Variants in HAND2 observed in about 807,000 individuals in gnomAD.
The protein encoded by HAND2 is heart and neural crest derivatives expressed 2, also known as heart- and neural crest derivatives-expressed protein 2.
In HAND2, 2 loss-of-function variants were observed where a neutral mutation model predicts 14.7. That is an observed-to-expected ratio of 0.14 (90% CI 0.06 to 0.43). HAND2 has a LOEUF of 0.43. HAND2 is among the 20% of genes least tolerant of loss of function. The probability of loss-of-function intolerance (pLI) is 0.99; values close to 1 mark genes in which losing one functional copy is unlikely to be tolerated. For missense variants in HAND2, 275 were observed against 313.6 expected, an observed-to-expected ratio of 0.88 and a Z score of 0.93; for synonymous variants, 162 against 135.9, an observed-to-expected ratio of 1.19 and a Z score of -1.34.
rs1277911492 is a variant in HAND2, at chr4:173,529,169, G to A, written c.121C>T (p.Pro41Ser). The part of the protein sequence containing the change: ...AASRCSHEEN[P>S]YFHGWLIGHP... ...CCGATGAGCCAGCCATGGAAGTAGG[G>A]GTTCTCCTCATGGCTGCAGCGGCTG... The change falls in exon 1 of 2, where the codon CCC (proline) becomes TCC (serine). Residue 41 changes from proline to serine, a missense_variant. Pro to Ser is a moderately conservative substitution (Grantham distance 74). Around this residue, in one of 4 missense-constraint regions of HAND2, gnomAD observed 175 missense variants for 157.1 expected, o/e 1.11. Coordinates refer to ENST00000359562, the MANE Select transcript of HAND2 (RefSeq NM_021973.3). 1.1e-5 allele frequency: 16 copies of A among 1,473,546 alleles called. No homozygotes were observed. The highest frequency in any genetic ancestry group is 2.6e-5 in the East Asian group (1 of 38,614). 91.3% of individuals were successfully genotyped at this position (1,473,546 alleles called of 1,614,324 possible). A position where few individuals can be genotyped will look rare whatever the true frequency, so the allele number is the denominator to read the frequency against.
rs1259027794 is a variant in HAND2, at chr4:173,526,978, G to T, written c.*299C>A. ...TACACAGCCAAGAGGGAACATTCAC[G>T]CACACAGAATCTATGAGACGACGGG... On this transcript the variant is annotated 3_prime_UTR_variant, in exon 2 of 2. Transcript: ENST00000359562. 1 of 581,814 alleles carries T rather than the reference G, an allele frequency of 1.7e-6. No individual in the cohort carries two copies. The highest frequency in any genetic ancestry group is 3.2e-6 in the Non-Finnish European group (1 of 307,974). 36.0% of individuals were successfully genotyped at this position (581,814 alleles called of 1,614,324 possible).
chr4:173,527,198 T>C lies in HAND2; in HGVS notation c.*79A>G, dbSNP rs1560883905. The C allele has an allele frequency of 5.3e-6, 5 of 951,652 alleles. No individual in the cohort carries two copies. The highest frequency in any genetic ancestry group is 8.5e-6 in the Non-Finnish European group (5 of 585,978). The allele number at this position is 951,652 out of a possible 1,614,324, so 59.0% of individuals were successfully genotyped here. A position where few individuals can be genotyped will look rare whatever the true frequency, so the allele number is the denominator to read the frequency against. ...GTCCTCAGAGCGGAGCGCGGACGGC[T>C]TTTCCGGAGTCCTGGGTCTGCATCT... On this transcript the variant is annotated 3_prime_UTR_variant, in exon 2 of 2. Transcript: ENST00000359562.
In HAND2 at chr4:173,529,193, T is replaced by TGGCGGCGGC; in HGVS notation, c.88_96dup (p.Ala30_Ala32dup). The TGGCGGCGGC allele has an allele frequency of 2.8e-6, 4 of 1,437,806 alleles. No homozygotes were observed. Among genetic ancestry groups the TGGCGGCGGC allele is most frequent in the Non-Finnish European group, 3.6e-6 (4 of 1,102,330 alleles). 89.1% of individuals were successfully genotyped at this position (1,437,806 alleles called of 1,614,324 possible). A position where few individuals can be genotyped will look rare whatever the true frequency, so the allele number is the denominator to read the frequency against. ...GGGTTCTCCTCATGGCTGCAGCGGCTGGCGGCGGCGGCGGCAGCTGCGGCG... is the reference window on the plus strand; with the variant it reads ...GGGTTCTCCTCATGGCTGCAGCGGCTGGCGGCGGCGGCGGCGGCGGCGGCAGCTGCGGCG... On this transcript the variant is annotated inframe_insertion, in exon 1 of 2. Coordinates refer to ENST00000359562, the MANE Select transcript of HAND2 (RefSeq NM_021973.3).
At position 173,526,917 on chromosome 4, in the gene HAND2, G is replaced by C. The variant is rs1308119808; in HGVS notation, c.*360C>G. 2.0e-6 allele frequency: 1 copy of C among 508,372 alleles called. No individual in the cohort carries two copies. Among genetic ancestry groups the C allele is most frequent in the African/African-American group, 1.9e-5 (1 of 52,334 alleles). 31.5% of individuals were successfully genotyped at this position (508,372 alleles called of 1,614,324 possible). On this transcript the variant is annotated 3_prime_UTR_variant, in exon 2 of 2. Transcript: ENST00000359562. ...AGTGCCCACTGTCTTTATCTGGAAG[G>C]GGTTGAGTAGGTTGGCGGGGGGCAA...
Position 173,528,617 on chromosome 4 carries a change from G to A in HAND2, c.555+118C>T. The A allele has an allele frequency of 7.8e-7, 1 of 1,285,834 alleles. No homozygotes were observed. The highest frequency in any genetic ancestry group is 2.5e-5 in the East Asian group (1 of 39,690). The allele number at this position is 1,285,834 out of a possible 1,614,324, so 79.7% of individuals were successfully genotyped here. A position where few individuals can be genotyped will look rare whatever the true frequency, so the allele number is the denominator to read the frequency against. On this transcript the variant is annotated intron_variant, in intron 1 of 1. Coordinates refer to ENST00000359562, the MANE Select transcript of HAND2 (RefSeq NM_021973.3). This position sits in a 1 kb window ranked among gnomAD's most constrained non-coding sequence, Gnocchi z 5.6. ...TACACAACCTGGTGCAAACAACCTT[G>A]AAGCGGGACGCAGCCAAAGAACACG...
In HAND2 at chr4:173,527,464, C is replaced by T. The variant is rs1322858167; in HGVS notation, c.556-89G>A. 16 of 867,924 alleles carry T rather than the reference C, an allele frequency of 1.8e-5. No homozygotes were observed. The African/African-American group carries it at 2.5e-4, about 13-fold the overall frequency. The allele number at this position is 867,924 out of a possible 1,614,324, so 53.8% of individuals were successfully genotyped here. ...CCACACCAACCCGGAGCTTCCTGCG[C>T]CGGAGGAGACAGTGAACCAGAGAGG... On this transcript the variant is annotated intron_variant, in intron 1 of 1. Coordinates refer to ENST00000359562, the MANE Select transcript of HAND2 (RefSeq NM_021973.3).
Position 173,528,510 on chromosome 4 carries a change from A to G in HAND2, c.555+225T>C. 1.7e-6 allele frequency: 1 copy of G among 589,496 alleles called. No homozygotes were observed. Among genetic ancestry groups the G allele is most frequent in the South Asian group, 2.0e-5 (1 of 50,838 alleles). The allele number at this position is 589,496 out of a possible 1,614,324, so 36.5% of individuals were successfully genotyped here. A position where few individuals can be genotyped will look rare whatever the true frequency, so the allele number is the denominator to read the frequency against. ...GCAGCGATAACCCGGAGGTAAGATC[A>G]CCAGCGCAAAGCATCCCTAACCTTC... On this transcript the variant is annotated intron_variant, in intron 1 of 1. Transcript: ENST00000359562. The surrounding 1 kb of genome is among the most constrained non-coding windows in gnomAD (Gnocchi z 5.6).
rs1731447590 is a variant in HAND2 at position 173,526,171 on chromosome 4, A to C, written c.*1106T>G. ...CAGCAATAATGCCGGGGTTCTCCTCACAACTCCTCCACCAGAAACACTCTC... is the reference window on the plus strand; with the variant it reads ...CAGCAATAATGCCGGGGTTCTCCTCCCAACTCCTCCACCAGAAACACTCTC... On this transcript the variant is annotated 3_prime_UTR_variant, in exon 2 of 2. Coordinates refer to ENST00000359562, the MANE Select transcript of HAND2 (RefSeq NM_021973.3). 2 of 151,936 alleles carry C rather than the reference A, an allele frequency of 1.3e-5. No individual in the cohort carries two copies. The highest frequency in any genetic ancestry group is 4.8e-5 in the African/African-American group (2 of 41,330). 9.4% of individuals were successfully genotyped at this position (151,936 alleles called of 1,614,324 possible). A position where few individuals can be genotyped will look rare whatever the true frequency, so the allele number is the denominator to read the frequency against.
chr4:173,527,463 G>A (rs1286649372), intron 1 of HAND2, 88 bp from the exon 2 acceptor site: 25 of 875,988 alleles, frequency 2.9e-5, no homozygotes, highest in African/African-American at 1.1e-4. Flanking sequence ...AGCTTCCTGC[G>A]CCGGAGGAGA....
At position 173,528,480 on chromosome 4, in the gene HAND2, G is replaced by A; in HGVS notation, c.555+255C>T. Reference sequence around the variant, plus strand: ...TTTTCAAGGTCCGTCCTAAGTACTAGGGGAGCAGCGATAACCCGGAGGTAA... The same window carrying A: ...TTTTCAAGGTCCGTCCTAAGTACTAAGGGAGCAGCGATAACCCGGAGGTAA... On this transcript the variant is annotated intron_variant, in intron 1 of 1. Transcript: ENST00000359562. The surrounding 1 kb of genome is among the most constrained non-coding windows in gnomAD (Gnocchi z 5.6). 1 of 539,550 alleles carries A rather than the reference G, an allele frequency of 1.9e-6. No individual in the cohort carries two copies. Among genetic ancestry groups the A allele is most frequent in the Non-Finnish European group, 3.4e-6 (1 of 298,032 alleles). The allele number at this position is 539,550 out of a possible 1,614,324, so 33.4% of individuals were successfully genotyped here.
Position 173,529,319 on chromosome 4 carries a change from A to G in HAND2, c.-30T>C. 1 of 1,284,422 alleles carries G rather than the reference A, an allele frequency of 7.8e-7. No homozygotes were observed. The highest frequency in any genetic ancestry group is 1.6e-5 in the African/African-American group (1 of 63,474). The allele number at this position is 1,284,422 out of a possible 1,614,324, so 79.6% of individuals were successfully genotyped here. A position where few individuals can be genotyped will look rare whatever the true frequency, so the allele number is the denominator to read the frequency against. On this transcript the variant is annotated 5_prime_UTR_variant, in exon 1 of 2. Transcript: ENST00000359562. The stretch of plus-strand genomic sequence containing the variant: ...CCCTCCGCGCCCCTCCACGCGCCCC[A>G]GCGTGCGCGCAGCCCCGCCGCGCCC...
intron 1 of HAND2, 95 bp from the exon 2 acceptor site, chr4:173,527,470 G>T: frequency 1.2e-6 from 1 of 846,428 alleles, no homozygotes. Context: ...TGCGCCGGAG[G>T]AGACAGTGAA....
rs1365916895 is a variant in HAND2 at position 173,528,670 on chromosome 4, A to C, written c.555+65T>G. 5.8e-6 allele frequency: 9 copies of C among 1,553,700 alleles called. No homozygotes were observed. The highest frequency in any genetic ancestry group is 8.7e-7 in the Non-Finnish European group (1 of 1,149,442). ...ATGCCATTTCTCAGCCCAATTGGAAAGAGGCCGGGAGCACCAGTTCCCTGA... is the reference window on the plus strand; with the variant it reads ...ATGCCATTTCTCAGCCCAATTGGAACGAGGCCGGGAGCACCAGTTCCCTGA... On this transcript the variant is annotated intron_variant, in intron 1 of 1. Transcript: ENST00000359562. The surrounding 1 kb of genome is among the most constrained non-coding windows in gnomAD (Gnocchi z 5.6).
At position 173,529,218 on chromosome 4, in the gene HAND2, G is replaced by A; in HGVS notation, c.72C>T (p.Ala24=). 7.0e-7 allele frequency: 1 copy of A among 1,421,916 alleles called. No individual in the cohort carries two copies. Among genetic ancestry groups the A allele is most frequent in the Non-Finnish European group, 9.1e-7 (1 of 1,093,974 alleles). 88.1% of individuals were successfully genotyped at this position (1,421,916 alleles called of 1,614,324 possible). The change falls in exon 1 of 2, where the codon GCC becomes GCT. Residue 24 remains alanine, a synonymous_variant. Coordinates refer to ENST00000359562, the MANE Select transcript of HAND2 (RefSeq NM_021973.3). The part of the protein sequence containing the change: ...HHEGYPFAAA[A]AAAAAAAASR... The stretch of plus-strand genomic sequence containing the variant: ...TGGCGGCGGCGGCGGCAGCTGCGGC[G>A]GCGGCGGCGGCAAACGGGTAGCCCT...
In HAND2 at chr4:173,526,666, A is replaced by G; in HGVS notation, c.*611T>C. On this transcript the variant is annotated 3_prime_UTR_variant, in exon 2 of 2. Transcript: ENST00000359562. ...TACTTACAACGTTTACACCTTCAAT[A>G]TTAATTAAATTCCATTTAGTTTTAG... 4.4e-6 allele frequency: 1 copy of G among 228,344 alleles called. No individual in the cohort carries two copies. The highest frequency in any genetic ancestry group is 6.6e-5 in the South Asian group (1 of 15,264). The allele number at this position is 228,344 out of a possible 1,614,324, so 14.1% of individuals were successfully genotyped here.
At chr4:173,527,718 A>G (rs1245513677) in intron 1 of HAND2, 4 of 308,180 alleles carry the variant, frequency 1.3e-5, no homozygotes, top group South Asian at 7.4e-5. Context: ...CTCTGTTTTC[A>G]TTAGCAATCC....
In HAND2 at chr4:173,526,899, A is replaced by G. The variant is rs1160959643; in HGVS notation, c.*378T>C. 2 of 482,994 alleles carry G rather than the reference A, an allele frequency of 4.1e-6. No individual in the cohort carries two copies. The highest frequency in any genetic ancestry group is 3.1e-4 in the Middle Eastern group (1 of 3,252). 29.9% of individuals were successfully genotyped at this position (482,994 alleles called of 1,614,324 possible). A position where few individuals can be genotyped will look rare whatever the true frequency, so the allele number is the denominator to read the frequency against. On this transcript the variant is annotated 3_prime_UTR_variant, in exon 2 of 2. Coordinates refer to ENST00000359562, the MANE Select transcript of HAND2 (RefSeq NM_021973.3). The stretch of plus-strand genomic sequence containing the variant: ...ACACTTCACAAACGCACTAGTGCCC[A>G]CTGTCTTTATCTGGAAGGGGTTGAG...
rs1157331515 is a variant in HAND2 at position 173,529,306 on chromosome 4, C to T, written c.-17G>A. 1 of 1,303,680 alleles carries T rather than the reference C, an allele frequency of 7.7e-7. No individual in the cohort carries two copies. The highest frequency in any genetic ancestry group is 3.1e-5 in the East Asian group (1 of 32,042). 80.8% of individuals were successfully genotyped at this position (1,303,680 alleles called of 1,614,324 possible). On this transcript the variant is annotated 5_prime_UTR_variant, in exon 1 of 2. Transcript: ENST00000359562. The stretch of plus-strand genomic sequence containing the variant: ...CAGACTCATTTCGCCCTCCGCGCCC[C>T]TCCACGCGCCCCAGCGTGCGCGCAG...
Position 173,529,314 on chromosome 4 carries a change from G to T in HAND2, c.-25C>A, listed in dbSNP as rs1731619703. ...TTTCGCCCTCCGCGCCCCTCCACGCGCCCCAGCGTGCGCGCAGCCCCGCCG... is the reference window on the plus strand; with the variant it reads ...TTTCGCCCTCCGCGCCCCTCCACGCTCCCCAGCGTGCGCGCAGCCCCGCCG... On this transcript the variant is annotated 5_prime_UTR_variant, in exon 1 of 2. Coordinates refer to ENST00000359562, the MANE Select transcript of HAND2 (RefSeq NM_021973.3). 5 of 1,290,470 alleles carry T rather than the reference G, an allele frequency of 3.9e-6. No individual in the cohort carries two copies. The East Asian group carries it at 9.4e-5, about 24-fold the overall frequency. The allele number at this position is 1,290,470 out of a possible 1,614,324, so 79.9% of individuals were successfully genotyped here. A position where few individuals can be genotyped will look rare whatever the true frequency, so the allele number is the denominator to read the frequency against.
Sources: allele counts gnomAD v4.1 joint callset, GRCh38; gene constraint gnomAD v4.1.1; regional missense constraint gnomAD v4.1.1; non-coding constraint Gnocchi (gnomAD v3.1); transcripts MANE v1.5; gene names NCBI Gene and HGNC (gene_info 2026-07-23, HGNC 2026-07-21).